LEF1: variants seen among roughly 807,000 people sequenced by gnomAD.
LEF1 encodes the protein lymphoid enhancer binding factor 1.
A neutral mutation model predicts 51.2 loss-of-function variants in LEF1; 14 were observed. The ratio of observed to expected loss-of-function variants is 0.27; its 90% CI spans 0.18 to 0.43. The LOEUF (loss-of-function observed/expected upper bound fraction) is 0.43, where lower values mean the gene tolerates loss of function less well. Ranked by LOEUF, LEF1 falls within the 20% of genes least tolerant of loss-of-function variation. The pLI is 1.00. For missense variants in LEF1, 386 were observed against 512.0 expected (o/e 0.75, Z 2.37); for synonymous variants, 185 against 183.2 (o/e 1.01, Z -0.08).
At chr4:108,100,913 C>T (rs1740781338) in intron 3 of LEF1, among the ~76,000 whole-genome samples, 1 of 152,186 alleles carries the variant, frequency 6.6e-6, no homozygotes, top group Admixed American at 6.5e-5. Context: ...CTGTCTGAAA[C>T]TATTTCAGAT....
chr4:108,141,558 T>C (rs1743655143), intron 3 of LEF1, among the ~76,000 whole-genome samples: 1 of 152,232 alleles, frequency 6.6e-6, no homozygotes, highest in African/African-American at 2.4e-5. Flanking sequence ...GTGATTGATT[T>C]CTGCCTGAAT....
chr4:108,116,076 G>A lies in LEF1; in HGVS notation c.415-26819C>T, dbSNP rs557473563. Among the ~76,000 whole-genome samples, 13 of 152,244 alleles carry A rather than the reference G, an allele frequency of 8.5e-5. No homozygotes were observed. The South Asian group carries it at 1.7e-3, about 19-fold the overall frequency. The stretch of plus-strand genomic sequence containing the variant: ...GCTATAGGCTCACTGCTGTGCTCCC[G>A]CCCAGGCAAGATTTTGACTCTGAGG... On this transcript the variant is annotated intron_variant, in intron 3 of 11. Transcript: ENST00000265165.
intron 3 of LEF1, among the ~76,000 whole-genome samples, chr4:108,159,978 G>A (rs1034280822): frequency 6.6e-6 from 1 of 152,184 alleles, no homozygotes; most frequent in East Asian, 1.9e-4. Context: ...CTGACCAGGT[G>A]TTATTGTGGT....
intron 3 of LEF1, among the ~76,000 whole-genome samples, chr4:108,120,768 A>G (rs1742126584): frequency 1.3e-5 from 2 of 152,234 alleles, no homozygotes; most frequent in African/African-American, 4.8e-5. Context: ...ACATTTGTCA[A>G]TATCACCACT....
chr4:108,129,066 C>T (rs1361574051), intron 3 of LEF1, among the ~76,000 whole-genome samples: 1 of 152,214 alleles, frequency 6.6e-6, no homozygotes, highest in Non-Finnish European at 1.5e-5. Context: ...TTTCCAACCA[C>T]TCAAAGCTGA....
At position 108,052,570 on chromosome 4, in the gene LEF1, C is replaced by G. The variant is rs1578281139; in HGVS notation, c.*7-3819G>C. Among the ~76,000 whole-genome samples the G allele has an allele frequency of 2.0e-5, 3 of 152,218 alleles. No individual in the cohort carries two copies. The East Asian group carries it at 5.8e-4, about 29-fold the overall frequency. On this transcript the variant is annotated intron_variant, in intron 11 of 11. Coordinates refer to ENST00000265165, the MANE Select transcript of LEF1 (RefSeq NM_016269.5). ...CTGTGATTTGAGGGTGTGAACTCTTCTGCTGCACAATGTCATGTGTGTATG... is the reference window on the plus strand; with the variant it reads ...CTGTGATTTGAGGGTGTGAACTCTTGTGCTGCACAATGTCATGTGTGTATG...
rs1736764921 is a variant in LEF1 at position 108,048,502 on chromosome 4, A to G, written c.*256T>C. The G allele has an allele frequency of 2.3e-6, 1 of 435,306 alleles. No individual in the cohort carries two copies. Among genetic ancestry groups the G allele is most frequent in the Non-Finnish European group, 4.1e-6 (1 of 245,774 alleles). 27.0% of individuals were successfully genotyped at this position (435,306 alleles called of 1,614,324 possible). A position where few individuals can be genotyped will look rare whatever the true frequency, so the allele number is the denominator to read the frequency against. ...CTCATGTGCTTTTACATTTCCTTTTAAAAAACCTTTTTATGCTTTATTTTG... is the reference window on the plus strand; with the variant it reads ...CTCATGTGCTTTTACATTTCCTTTTGAAAAACCTTTTTATGCTTTATTTTG... On this transcript the variant is annotated 3_prime_UTR_variant, in exon 12 of 12. Coordinates refer to ENST00000265165, the MANE Select transcript of LEF1 (RefSeq NM_016269.5).
chr4:108,146,274 G>A (rs1458142271), intron 3 of LEF1, among the ~76,000 whole-genome samples: 1 of 152,238 alleles, frequency 6.6e-6, no homozygotes, highest in Non-Finnish European at 1.5e-5. Context: ...GATTCTATGA[G>A]AGAGTGAGCA....
At chr4:108,092,995 T>C (rs1374148720) in intron 3 of LEF1, among the ~76,000 whole-genome samples, 1 of 119,536 alleles carries the variant, frequency 8.4e-6, no homozygotes, top group South Asian at 2.5e-4. Flanking sequence ...ATGAAGAAAA[T>C]GAACCTGGTG....
At chr4:108,084,886 A>C (rs1335001509) in intron 4 of LEF1, among the ~76,000 whole-genome samples, 2 of 151,934 alleles carry the variant, frequency 1.3e-5, no homozygotes, top group Non-Finnish European at 2.9e-5. Context: ...TGCCCCCTTA[A>C]CTCTGAGATC....
chr4:108,079,436 T>C, intron 7 of LEF1, 56 bp downstream of exon 7: 2 of 1,592,874 alleles, frequency 1.3e-6, no homozygotes, highest in Non-Finnish European at 1.7e-6. Flanking sequence ...GGAGCAACAG[T>C]GTAGAAATCC....
At chr4:108,084,224 A>G (rs1002068583) in intron 4 of LEF1, among the ~76,000 whole-genome samples, 4 of 152,252 alleles carry the variant, frequency 2.6e-5, no homozygotes, top group Non-Finnish European at 5.9e-5. Flanking sequence ...AAAAATGACA[A>G]GACAAATGCA....
intron 3 of LEF1, among the ~76,000 whole-genome samples, chr4:108,138,894 T>C (rs1295309523): frequency 4.6e-5 from 7 of 152,230 alleles, no homozygotes; most frequent in Non-Finnish European, 1.0e-4. Flanking sequence ...CTTCCTTGCA[T>C]GTAAACATGA....
At chr4:108,065,570 C>A (rs1738018710) in intron 9 of LEF1, among the ~76,000 whole-genome samples, 1 of 152,130 alleles carries the variant, frequency 6.6e-6, no homozygotes, top group South Asian at 2.1e-4. Flanking sequence ...CTGCTCTTTG[C>A]CTCAGTGTTG....
intron 3 of LEF1, among the ~76,000 whole-genome samples, chr4:108,118,289 C>G (rs1407959715): frequency 6.6e-6 from 1 of 152,218 alleles, no homozygotes; most frequent in East Asian, 1.9e-4. Context: ...GCTTTCATCT[C>G]TAGTCATCTT....
At chr4:108,084,108 A>G (rs143225825) in intron 4 of LEF1, among the ~76,000 whole-genome samples, 5 of 152,360 alleles carry the variant, frequency 3.3e-5, no homozygotes, top group African/African-American at 9.6e-5. Flanking sequence ...TTGAGCTCAC[A>G]GTCCCTGGAG....
intron 11 of LEF1, among the ~76,000 whole-genome samples, chr4:108,059,745 C>T (rs1737546574): frequency 6.6e-6 from 1 of 151,888 alleles, no homozygotes; most frequent in Non-Finnish European, 1.5e-5. Context: ...TTCTGTTGCT[C>T]AGGCTGTAGT....
chr4:108,146,872 A>T (rs1744025725), intron 3 of LEF1, among the ~76,000 whole-genome samples: 1 of 152,226 alleles, frequency 6.6e-6, no homozygotes, highest in East Asian at 1.9e-4. Flanking sequence ...TGAGCTCTAA[A>T]GTCTGGTACC....
intron 5 of LEF1, 66 bp from the exon 6 acceptor site, chr4:108,081,735 T>G: frequency 9.0e-7 from 1 of 1,117,216 alleles, no homozygotes; most frequent in Non-Finnish European, 1.4e-6. Context: ...TAGTAAGAGT[T>G]GGATGAGGGG....
Sources: gnomAD v4.1 joint callset for allele counts (sites outside exome capture counted in the v4.1 genomes callset) on GRCh38, gnomAD v4.1.1 for gene constraint, MANE v1.5 for transcripts, NCBI Gene and HGNC (gene_info 2026-07-23, HGNC 2026-07-21) for gene names.